Variants in MTUS1 observed in about 807,000 individuals in gnomAD.
The protein encoded by MTUS1 is microtubule associated scaffold protein 1, also known as microtubule-associated tumor suppressor 1.
Under a neutral mutation model 120.8 loss-of-function variants are expected in MTUS1, and 109 were observed. The ratio of observed to expected loss-of-function variants is 0.90; its 90% CI spans 0.77 to 1.06. The LOEUF is 1.06. MTUS1 is among the 50% of genes least tolerant of loss of function. MTUS1 has a pLI of 0.00. For missense variants in MTUS1, 2,210 were observed against 1,486.3 expected (o/e 1.49, Z -8.01); for synonymous variants, 737 against 550.5 (o/e 1.34, Z -4.74).
chr8:17,766,613 A>G (rs941786094), intron 1 of MTUS1, among the ~76,000 whole-genome samples: 2 of 152,262 alleles, frequency 1.3e-5, no homozygotes, highest in African/African-American at 4.8e-5. Context: ...TGAAATTTGT[A>G]GAACGCATGG....
chr8:17,742,468 C>G (rs2047411921), intron 3 of MTUS1, among the ~76,000 whole-genome samples: 1 of 151,754 alleles, frequency 6.6e-6, no homozygotes, highest in Non-Finnish European at 1.5e-5. Flanking sequence ...GTGGCAATAT[C>G]CCAAATAAGA....
intron 9 of MTUS1, 61 bp downstream of exon 9, chr8:17,655,802 C>A: frequency 1.4e-6 from 2 of 1,444,218 alleles, no homozygotes; most frequent in Non-Finnish European, 1.9e-6. Flanking sequence ...ATGTGAAGAG[C>A]AACCAGGATT....
intron 4 of MTUS1, chr8:17,722,458 G>C: frequency 4.1e-6 from 4 of 985,322 alleles, no homozygotes; most frequent in South Asian, 4.7e-5. Context: ...ATGCAAGCCT[G>C]ATTTTGTGCC....
At position 17,743,711 on chromosome 8, in the gene MTUS1, G is replaced by C. The variant is rs2047515230; in HGVS notation, c.2180C>G (p.Ala727Gly). ...ACAGGAAACAGGGGGCCCCACTTTG[G>C]CTTTTGGAGCAGCTATTTGCCTCAA... ...CGLRQIAAPK[A>G]KVGPPVSCLR... Residue 727 changes from alanine to glycine, a missense_variant, in exon 3 of 15, where the codon GCC (alanine) becomes GGC (glycine). Ala to Gly is a moderately conservative substitution (Grantham distance 60, BLOSUM62 0). Coordinates refer to ENST00000693296, the MANE Select transcript of MTUS1 (RefSeq NM_001363059.2). 6.2e-7 allele frequency: 1 copy of C among 1,614,018 alleles called. No individual in the cohort carries two copies. The highest frequency in any genetic ancestry group is 1.7e-5 in the Admixed American group (1 of 59,998).
chr8:17,679,040 T>C (rs1331097011), intron 7 of MTUS1, among the ~76,000 whole-genome samples: 1 of 152,188 alleles, frequency 6.6e-6, no homozygotes, highest in Non-Finnish European at 1.5e-5. Flanking sequence ...ATGTCTGATA[T>C]GTAATGAAAT....
At chr8:17,767,650 G>A (rs2049634773) in intron 1 of MTUS1, among the ~76,000 whole-genome samples, 1 of 148,398 alleles carries the variant, frequency 6.7e-6, no homozygotes, top group African/African-American at 2.5e-5. Context: ...AGTGAGCCAT[G>A]ATCACGCTAC....
At position 17,771,491 on chromosome 8, in the gene MTUS1, A is replaced by T. The variant is rs548788388; in HGVS notation, c.-154-15530T>A. Among the ~76,000 whole-genome samples the T allele has an allele frequency of 1.1e-3, 160 of 152,336 alleles. 1 individual carries two copies. The highest frequency in any genetic ancestry group is 3.8e-3 in the African/African-American group (157 of 41,580). ...AAAGATCTGCAAATCTTTTATTCAG[A>T]ATCTTGGGCCAGCGTATCTGCTCTC... On this transcript the variant is annotated intron_variant, in intron 1 of 14. Coordinates refer to ENST00000693296, the MANE Select transcript of MTUS1 (RefSeq NM_001363059.2).
chr8:17,706,715 G>C (rs549950000), intron 6 of MTUS1, among the ~76,000 whole-genome samples: 1 of 152,178 alleles, frequency 6.6e-6, no homozygotes. Flanking sequence ...AAAGTTGAAA[G>C]TGCTAATTGT....
intron 2 of MTUS1, among the ~76,000 whole-genome samples, chr8:17,749,471 C>A (rs922511817): frequency 6.6e-5 from 10 of 151,694 alleles, no homozygotes; most frequent in African/African-American, 9.7e-5. Context: ...CCGGCCTGGC[C>A]AACATGAGGA....
chr8:17,649,741 T>C (rs1046417831), intron 13 of MTUS1, 105 bp downstream of exon 13: 4 of 683,130 alleles, frequency 5.9e-6, no homozygotes, highest in East Asian at 5.0e-5. Context: ...TTTCTAAATA[T>C]CTTTAGGAGC....
intron 3 of MTUS1, among the ~76,000 whole-genome samples, chr8:17,731,367 A>G (rs1413998947): frequency 6.6e-6 from 1 of 152,162 alleles, no homozygotes; most frequent in Non-Finnish European, 1.5e-5. Flanking sequence ...GGGTGATAGG[A>G]GTACTCCTTA....
Position 17,755,282 on chromosome 8 carries a change from G to C in MTUS1, c.526C>G (p.His176Asp). 1.9e-6 allele frequency: 3 copies of C among 1,614,190 alleles called. No homozygotes were observed. Among genetic ancestry groups the C allele is most frequent in the Non-Finnish European group, 2.5e-6 (3 of 1,180,018 alleles). The change falls in exon 2 of 15, where the codon CAT becomes GAT. Residue 176 changes from histidine (H) to aspartate (D), a missense_variant. Transcript: ENST00000693296. ...DKVNCTFISHHAIGKSQSFHT... is the reference protein window; with the variant it reads ...DKVNCTFISHDAIGKSQSFHT... The stretch of plus-strand genomic sequence containing the variant: ...AAGGACTGACTCTTTCCGATGGCAT[G>C]ATGTGATATAAAGGTGCAGTTAACT...
chr8:17,755,413 A>T lies in MTUS1; in HGVS notation c.395T>A (p.Val132Asp), dbSNP rs757332792. ...CCACACAAAAGGCAAAGATGGCTCA[A>T]CACTCTGGCCCTCAACTGCTTCTAG... Reference protein sequence around the residue: ...HSLEAVEGQSVEPSLPFVWKP... With the variant: ...HSLEAVEGQSDEPSLPFVWKP... The change falls in exon 2 of 15, where the codon GTT (valine) becomes GAT (aspartate). Residue 132 changes from valine (V) to aspartate (D), a missense_variant. Coordinates refer to ENST00000693296, the MANE Select transcript of MTUS1 (RefSeq NM_001363059.2). 1.7e-5 allele frequency: 27 copies of T among 1,614,138 alleles called. No homozygotes were observed. The highest frequency in any genetic ancestry group is 2.2e-5 in the Non-Finnish European group (26 of 1,180,056).
intron 2 of MTUS1, among the ~76,000 whole-genome samples, chr8:17,747,895 G>A (rs187358479): frequency 9.4e-4 from 143 of 152,254 alleles, no homozygotes; most frequent in African/African-American, 3.3e-3. Context: ...TACATGGATG[G>A]CAGCAGGCAA....
intron 2 of MTUS1, among the ~76,000 whole-genome samples, chr8:17,744,674 G>A (rs953782051): frequency 8.0e-5 from 11 of 137,642 alleles, no homozygotes; most frequent in African/African-American, 2.2e-4. Context: ...TGGAGATGGG[G>A]TTTCACCATG....
At chr8:17,654,303 A>G in intron 10 of MTUS1, 1 of 490,874 alleles carries the variant, frequency 2.0e-6, no homozygotes, top group Non-Finnish European at 3.6e-6. Flanking sequence ...GGCAACCACC[A>G]CCGCCAAAAT....
chr8:17,737,319 G>A (rs1026568957), intron 3 of MTUS1, among the ~76,000 whole-genome samples: 2 of 152,184 alleles, frequency 1.3e-5, no homozygotes, highest in African/African-American at 4.8e-5. Context: ...AATTAAATGA[G>A]ATTATGCATT....
chr8:17,692,043 T>C (rs6995151), intron 6 of MTUS1: 4 of 151,974 alleles, frequency 2.6e-5, no homozygotes, highest in African/African-American at 7.2e-5. Context: ...CCAAAACGCA[T>C]AGAATAGAGA....
chr8:17,741,702 C>A (rs1036736732), intron 3 of MTUS1, among the ~76,000 whole-genome samples: 1 of 152,216 alleles, frequency 6.6e-6, no homozygotes, highest in African/African-American at 2.4e-5. Context: ...GTACTGGCCT[C>A]ATTTCTTAAA....
Sources: allele counts gnomAD v4.1 joint callset (sites outside exome capture counted in the v4.1 genomes callset), GRCh38; gene constraint gnomAD v4.1.1; transcripts MANE v1.5; gene names NCBI Gene and HGNC (gene_info 2026-07-23, HGNC 2026-07-21).